Variants in NRG1 observed in about 807,000 individuals in gnomAD.
NRG1 encodes the protein pro-neuregulin-1, membrane-bound isoform.
A neutral mutation model predicts 63.8 loss-of-function variants in NRG1; 18 were observed. That is an observed-to-expected ratio of 0.28 (90% CI 0.19 to 0.42). The LOEUF (loss-of-function observed/expected upper bound fraction) is 0.42. Ranked by LOEUF, NRG1 falls within the 10% of genes least tolerant of loss-of-function variation. The pLI is 1.00. For synonymous variants in NRG1, 302 were observed against 301.3 expected, an observed-to-expected ratio of 1.00 and a Z score of -0.02; for missense variants, 762 against 814.7, an observed-to-expected ratio of 0.94 and a Z score of 0.79.
At chr8:32,435,244 C>T (rs997838861) in intron 1 of NRG1, among the ~76,000 whole-genome samples, 1 of 152,062 alleles carries the variant, frequency 6.6e-6, no homozygotes, top group Non-Finnish European at 1.5e-5. Context: ...CCCCAGAGTC[C>T]CATTGGTTTG....
intron 1 of NRG1, among the ~76,000 whole-genome samples, chr8:32,217,810 A>G (rs1845400471): frequency 6.6e-6 from 1 of 152,174 alleles, no homozygotes. Context: ...ACATCATAGA[A>G]CAAAACAGTC....
chr8:32,221,292 A>G (rs2132484925), intron 1 of NRG1, among the ~76,000 whole-genome samples: 1 of 152,302 alleles, frequency 6.6e-6, no homozygotes, highest in East Asian at 1.9e-4. Flanking sequence ...ATCCAAGGCT[A>G]GTAGGTGAAA....
At position 32,657,193 on chromosome 8, in the gene NRG1, G is replaced by A. The variant is rs537928936; in HGVS notation, c.502+40308G>A. On this transcript the variant is annotated intron_variant, in intron 5 of 11. Coordinates refer to ENST00000356819, the Ensembl canonical transcript of NRG1. ...CATTAGGAAGAAACTTAATTCATAG[G>A]CAAGCAGAAGACCCTATATCTTCCA... Among the ~76,000 whole-genome samples the A allele has an allele frequency of 2.0e-5, 3 of 151,602 alleles. No homozygotes were observed. In the South Asian group the frequency reaches 6.2e-4, roughly 32 times the overall value.
chr8:32,367,953 G>A (rs1808304493), intron 1 of NRG1, among the ~76,000 whole-genome samples: 1 of 152,056 alleles, frequency 6.6e-6, no homozygotes, highest in South Asian at 2.1e-4. Context: ...TATGTTTTCA[G>A]TGCCTTTGTC....
chr8:32,588,557 C>T (rs1368704076), intron 1 of NRG1, among the ~76,000 whole-genome samples: 2 of 152,136 alleles, frequency 1.3e-5, no homozygotes, highest in African/African-American at 4.8e-5. Flanking sequence ...GAAATACTGC[C>T]CCCAATTTTA....
At chr8:31,846,380 G>A (rs1563474819) in intron 1 of NRG1, among the ~76,000 whole-genome samples, 1 of 152,168 alleles carries the variant, frequency 6.6e-6, no homozygotes, top group Admixed American at 6.5e-5. Context: ...TATCACGAGC[G>A]CTATTCTCCG....
intron 1 of NRG1, among the ~76,000 whole-genome samples, chr8:32,102,905 A>G (rs919744969): frequency 6.6e-6 from 1 of 151,718 alleles, no homozygotes; most frequent in South Asian, 2.1e-4. Flanking sequence ...TTTAATTTCT[A>G]ATTTTTGTAG....
intron 1 of NRG1, among the ~76,000 whole-genome samples, chr8:32,306,624 CATTTA>C (rs1856214939): frequency 6.6e-6 from 1 of 152,160 alleles, no homozygotes; most frequent in Non-Finnish European, 1.5e-5. Flanking sequence ...CCTCTCTCTC[CATTTA>C]ATTATGAATC....
rs148028761 is a variant in NRG1, at chr8:31,673,779, GA to G, written c.37+34349del. ...TTTTCATGGTGAGATTCATAGTCAG[GA>G]TGGTCTATGACTTTCAAATATTAAA... On this transcript the variant is annotated intron_variant, in intron 1 of 10. Coordinates refer to the NRG1 transcript ENST00000519301. 5.5e-3 allele frequency among the ~76,000 whole-genome samples: 834 copies of G among 152,178 alleles called. 6 individuals are homozygous for G. The highest frequency in any genetic ancestry group is 0.019 in the African/African-American group (772 of 41,536).
intron 6 of NRG1, among the ~76,000 whole-genome samples, chr8:32,729,352 G>A (rs1429692196): frequency 6.6e-6 from 1 of 152,090 alleles, no homozygotes; most frequent in African/African-American, 2.4e-5. Flanking sequence ...TTTACCAACA[G>A]CTATATCCCA....
intron 1 of NRG1, among the ~76,000 whole-genome samples, chr8:32,442,028 A>G (rs1377647586): frequency 6.6e-6 from 1 of 152,210 alleles, no homozygotes; most frequent in Non-Finnish European, 1.5e-5. Flanking sequence ...TTCCATTCAA[A>G]ATAGAGATAA....
chr8:32,342,508 G>T (rs1465461168), intron 1 of NRG1, among the ~76,000 whole-genome samples: 1 of 152,150 alleles, frequency 6.6e-6, no homozygotes, highest in Admixed American at 6.5e-5. Flanking sequence ...GAAGGTTTAA[G>T]TAGCTAATCA....
intron 1 of NRG1, among the ~76,000 whole-genome samples, chr8:31,805,806 C>T (rs1165246603): frequency 6.0e-5 from 7 of 117,442 alleles, no homozygotes; most frequent in Non-Finnish European, 8.1e-5. Flanking sequence ...CCAGCCTGGG[C>T]AACCGAGCGG....
chr8:32,482,146 A>C (rs1405734003), intron 1 of NRG1, among the ~76,000 whole-genome samples: 1 of 152,182 alleles, frequency 6.6e-6, no homozygotes, highest in Admixed American at 6.5e-5. Context: ...TTCACAGAAA[A>C]CTTAATTTAC....
chr8:32,033,704 A>G (rs1360212126), intron 1 of NRG1, among the ~76,000 whole-genome samples: 1 of 152,064 alleles, frequency 6.6e-6, no homozygotes, highest in Non-Finnish European at 1.5e-5. Flanking sequence ...TATTATCTTT[A>G]TAGCAATTGT....
chr8:32,469,512 G>A (rs1489909457), intron 1 of NRG1, among the ~76,000 whole-genome samples: 1 of 152,164 alleles, frequency 6.6e-6, no homozygotes, highest in Non-Finnish European at 1.5e-5. Flanking sequence ...TCCAACTGAA[G>A]GGGCTCCAGT....
At chr8:31,885,804 T>C (rs1220852190) in intron 1 of NRG1, among the ~76,000 whole-genome samples, 1 of 152,102 alleles carries the variant, frequency 6.6e-6, no homozygotes, top group African/African-American at 2.4e-5. Flanking sequence ...AAGAAATACA[T>C]GTAGGAAGCC....
At chr8:32,387,076 A>T (rs1185750722) in intron 1 of NRG1, among the ~76,000 whole-genome samples, 1 of 152,210 alleles carries the variant, frequency 6.6e-6, no homozygotes, top group East Asian at 1.9e-4. Context: ...AGACTTCAGG[A>T]ATAATTTTCA....
At chr8:32,504,138 C>T (rs1341747890) in intron 1 of NRG1, among the ~76,000 whole-genome samples, 1 of 152,282 alleles carries the variant, frequency 6.6e-6, no homozygotes, top group South Asian at 2.1e-4. Context: ...CGATCTTAGC[C>T]GGAAGCTGCT....
Sources: gnomAD v4.1 joint callset for allele counts (sites outside exome capture counted in the v4.1 genomes callset) on GRCh38, gnomAD v4.1.1 for gene constraint, MANE v1.5 for transcripts, NCBI Gene and HGNC (gene_info 2026-07-23, HGNC 2026-07-21) for gene names.